Variants in DLGAP1 observed in about 807,000 individuals in gnomAD.
The protein encoded by DLGAP1 is DLG associated protein 1.
In DLGAP1, 11 loss-of-function variants were observed where a neutral mutation model predicts 90.8. The observed-to-expected ratio is 0.12, with a 90% CI of 0.08 to 0.20. The LOEUF is 0.20. DLGAP1 is among the 10% of genes least tolerant of loss of function. DLGAP1 has a pLI of 1.00. For synonymous variants in DLGAP1, 558 were observed against 540.7 expected, an observed-to-expected ratio of 1.03 and a Z score of -0.44; for missense variants, 1,050 against 1,333.8, an observed-to-expected ratio of 0.79 and a Z score of 3.31.
intron 2 of DLGAP1, among the ~76,000 whole-genome samples, chr18:4,148,056 C>T (rs1192161454): frequency 1.3e-5 from 2 of 152,190 alleles, no homozygotes; most frequent in South Asian, 2.1e-4. Flanking sequence ...AAGCCCCATC[C>T]TTGTCTCTCT....
intron 1 of DLGAP1, among the ~76,000 whole-genome samples, chr18:4,228,290 C>T (rs1349701401): frequency 6.6e-6 from 1 of 151,834 alleles, no homozygotes; most frequent in Non-Finnish European, 1.5e-5. Flanking sequence ...ACATCCTACT[C>T]AAACTGTTCT....
intron 7 of DLGAP1, among the ~76,000 whole-genome samples, chr18:3,641,952 G>A (rs141186606): frequency 2.6e-5 from 4 of 152,250 alleles, no homozygotes; most frequent in Admixed American, 1.3e-4. Flanking sequence ...ATCTCTAACC[G>A]GTCTCTGTGG....
intron 1 of DLGAP1, among the ~76,000 whole-genome samples, chr18:4,452,271 T>G (rs1397792767): frequency 6.6e-6 from 1 of 152,116 alleles, no homozygotes; most frequent in South Asian, 2.1e-4. Flanking sequence ...TACTATTATC[T>G]CTGAATTTGA....
At chr18:3,626,558 C>T (rs1199057398) in intron 7 of DLGAP1, among the ~76,000 whole-genome samples, 2 of 148,932 alleles carry the variant, frequency 1.3e-5, no homozygotes, top group African/African-American at 5.0e-5. Context: ...CACACCACTG[C>T]ACTCCACCCT....
At chr18:3,530,194 C>T (rs570362207) in intron 10 of DLGAP1, among the ~76,000 whole-genome samples, 25 of 152,066 alleles carry the variant, frequency 1.6e-4, no homozygotes, top group Non-Finnish European at 2.6e-4. Flanking sequence ...TTGCTTGAGG[C>T]CAGGAGTTTG....
intron 10 of DLGAP1, 96 bp from the exon 11 acceptor site, chr18:3,508,757 G>A (rs893729029): frequency 2.1e-6 from 2 of 963,088 alleles, no homozygotes; most frequent in African/African-American, 1.6e-5. Flanking sequence ...GTAATAATTA[G>A]GGAAAATGGC....
At chr18:3,622,166 G>A (rs760310865) in intron 7 of DLGAP1, among the ~76,000 whole-genome samples, 8 of 151,140 alleles carry the variant, frequency 5.3e-5, no homozygotes, top group East Asian at 2.0e-4. Flanking sequence ...GTGCAGTGAC[G>A]TGATCTTGGC....
intron 9 of DLGAP1, among the ~76,000 whole-genome samples, chr18:3,551,660 C>G (rs1376504236): frequency 2.2e-4 from 2 of 9,086 alleles, no homozygotes; most frequent in African/African-American, 3.1e-4. Flanking sequence ...CTCTTTGTCT[C>G]TTTCCTTCTT....
chr18:3,924,481 G>C (rs1031414212), intron 3 of DLGAP1, among the ~76,000 whole-genome samples: 2 of 152,160 alleles, frequency 1.3e-5, no homozygotes, highest in Non-Finnish European at 2.9e-5. Context: ...CCACAAAGCA[G>C]TTTACTAAGT....
In DLGAP1 at chr18:4,209,953, T is replaced by C. The variant is rs115916966; in HGVS notation, c.-266-58666A>G. ...CAATCTGACTTCCACTCTACTCCAA[T>C]AATACTTCTCTTCCTGAGCCATTAT... On this transcript the variant is annotated intron_variant, in intron 1 of 12. Coordinates refer to ENST00000315677, the MANE Select transcript of DLGAP1 (RefSeq NM_004746.4). Among the ~76,000 whole-genome samples the C allele has an allele frequency of 1.1e-3, 166 of 152,340 alleles. 1 individual carries two copies. Among genetic ancestry groups the C allele is most frequent in the African/African-American group, 3.9e-3 (161 of 41,586 alleles).
At position 3,929,575 on chromosome 18, in the gene DLGAP1, C is replaced by T. The variant is rs1294096743; in HGVS notation, c.-72-49435G>A. Among the ~76,000 whole-genome samples, 7 of 152,186 alleles carry T rather than the reference C, an allele frequency of 4.6e-5. No homozygotes were observed. The East Asian group carries it at 9.6e-4, about 21-fold the overall frequency. On this transcript the variant is annotated intron_variant, in intron 3 of 12. Coordinates refer to ENST00000315677, the MANE Select transcript of DLGAP1 (RefSeq NM_004746.4). ...GCAGGCAACAGGAAGCCTTACTATG[C>T]GTTACTCTGGGGCCATTGTGCAGAG...
chr18:3,719,140 G>A (rs1490924920), intron 7 of DLGAP1, among the ~76,000 whole-genome samples: 1 of 152,086 alleles, frequency 6.6e-6, no homozygotes, highest in African/African-American at 2.4e-5. Context: ...AGGGCAAAGA[G>A]ACTTGAAGGG....
At chr18:4,240,033 G>A (rs925288687) in intron 1 of DLGAP1, among the ~76,000 whole-genome samples, 46 of 152,062 alleles carry the variant, frequency 3.0e-4, no homozygotes, top group Admixed American at 2.5e-3. Context: ...GTCCTCCAAA[G>A]AGACATTTCC....
intron 1 of DLGAP1, among the ~76,000 whole-genome samples, chr18:4,357,995 G>A (rs914501509): frequency 3.9e-5 from 6 of 152,210 alleles, no homozygotes; most frequent in African/African-American, 1.2e-4. Flanking sequence ...GCCCAAGGCT[G>A]GAGCTTATAA....
chr18:3,874,479 C>T, intron 4 of DLGAP1: 2 of 1,436,174 alleles, frequency 1.4e-6, no homozygotes, highest in East Asian at 5.0e-5. Flanking sequence ...CAACATACAA[C>T]ATTTACATAA....
intron 5 of DLGAP1, among the ~76,000 whole-genome samples, chr18:3,748,049 G>A (rs1177469602): frequency 6.6e-6 from 1 of 152,166 alleles, no homozygotes; most frequent in East Asian, 1.9e-4. Flanking sequence ...ACTCTCTCAT[G>A]TTACGTTAAT....
At chr18:4,212,148 G>A (rs1476479193) in intron 1 of DLGAP1, among the ~76,000 whole-genome samples, 3 of 152,112 alleles carry the variant, frequency 2.0e-5, no homozygotes, top group Non-Finnish European at 4.4e-5. Flanking sequence ...CTCTGTGACA[G>A]GAAGGAAGGC....
intron 7 of DLGAP1, among the ~76,000 whole-genome samples, chr18:3,661,422 C>G (rs2059675532): frequency 6.6e-6 from 1 of 152,218 alleles, no homozygotes. Context: ...AGCTTCCCCT[C>G]TGGTGTCATG....
chr18:3,697,545 C>T (rs1282049131), intron 7 of DLGAP1, among the ~76,000 whole-genome samples: 1 of 151,914 alleles, frequency 6.6e-6, no homozygotes, highest in East Asian at 1.9e-4. Context: ...TTGCACTGTG[C>T]TCTAAGAGAC....
Sources: allele counts gnomAD v4.1 joint callset (sites outside exome capture counted in the v4.1 genomes callset), GRCh38; gene constraint gnomAD v4.1.1; transcripts MANE v1.5; gene names NCBI Gene and HGNC (gene_info 2026-07-23, HGNC 2026-07-21).